The following NUFIP1 variants were observed in gnomAD, a reference collection of about 807,000 sequenced individuals.
The protein encoded by NUFIP1 is nuclear FMR1 interacting protein 1.
Under a neutral mutation model 56.2 loss-of-function variants are expected in NUFIP1, and 38 were observed. The ratio of observed to expected loss-of-function variants is 0.68; its 90% CI spans 0.52 to 0.89. NUFIP1 has a LOEUF of 0.89. Among genes scored for constraint, NUFIP1 ranks in the 40% least tolerant of loss-of-function variants. NUFIP1 has a pLI of 0.00. For missense variants in NUFIP1, 567 were observed against 605.8 expected, an observed-to-expected ratio of 0.94 and a Z score of 0.67; for synonymous variants, 215 against 212.4, an observed-to-expected ratio of 1.01 and a Z score of -0.10.
At chr13:44,948,177 C>T (rs1483214901) in intron 8 of NUFIP1, among the ~76,000 whole-genome samples, 2 of 141,020 alleles carry the variant, frequency 1.4e-5, no homozygotes, top group African/African-American at 5.4e-5. Context: ...CAGAGTCTCA[C>T]TGTCACCCGG....
chr13:44,968,275 T>G (rs1871679854), intron 5 of NUFIP1, among the ~76,000 whole-genome samples: 1 of 152,062 alleles, frequency 6.6e-6, no homozygotes, highest in African/African-American at 2.4e-5. Context: ...AAACATAATC[T>G]AAGGTTATAA....
chr13:44,965,861 C>T lies in NUFIP1; in HGVS notation c.810G>A (p.Leu270=). 6.3e-7 allele frequency: 1 copy of T among 1,597,046 alleles called. No homozygotes were observed. Among genetic ancestry groups the T allele is most frequent in the African/African-American group, 1.3e-5 (1 of 74,224 alleles). Residue 270 remains leucine (L), a synonymous_variant, in exon 6 of 10, where the codon TTG becomes TTA. Transcript: ENST00000379161. ...KLEKEKRGAV[L]TTTQYGKMKG... ...GAGCTTACCCATATTGTGTTGTTGT[C>T]AATACTGCTCCTCTCTTCTCCTTTT...
chr13:44,957,314 C>A (rs1278826609), intron 7 of NUFIP1, among the ~76,000 whole-genome samples: 1 of 152,186 alleles, frequency 6.6e-6, no homozygotes, highest in Non-Finnish European at 1.5e-5. Flanking sequence ...GGGGTTCAAG[C>A]AATTCTCCTG....
intron 1 of NUFIP1, among the ~76,000 whole-genome samples, chr13:44,987,872 T>C (rs901111423): frequency 2.0e-5 from 3 of 152,122 alleles, no homozygotes; most frequent in African/African-American, 7.2e-5. Flanking sequence ...AAAGTCAAAG[T>C]CCCACGATCT....
chr13:44,986,324 C>T (rs1259286437), intron 1 of NUFIP1, among the ~76,000 whole-genome samples: 2 of 152,072 alleles, frequency 1.3e-5, no homozygotes, highest in Admixed American at 1.3e-4. Flanking sequence ...CCCTCATAGA[C>T]GATTTTGAGG....
chr13:44,962,849 C>T (rs1871469298), intron 6 of NUFIP1, among the ~76,000 whole-genome samples: 1 of 152,128 alleles, frequency 6.6e-6, no homozygotes, highest in African/African-American at 2.4e-5. Context: ...AAATACTTAG[C>T]ATTGTGTTAC....
intron 5 of NUFIP1, among the ~76,000 whole-genome samples, chr13:44,973,402 A>G (rs1356869951): frequency 1.3e-5 from 2 of 152,234 alleles, no homozygotes; most frequent in African/African-American, 2.4e-5. Flanking sequence ...CAGCTCAAAC[A>G]TGATTTATAA....
intron 1 of NUFIP1, among the ~76,000 whole-genome samples, chr13:44,983,327 C>A (rs1872262951): frequency 6.6e-6 from 1 of 152,120 alleles, no homozygotes; most frequent in South Asian, 2.1e-4. Flanking sequence ...AGGCATGTGC[C>A]ACCATGCTCA....
Position 44,989,442 on chromosome 13 carries a change from T to G in NUFIP1, c.-6A>C, listed in dbSNP as rs375276456. The G allele has an allele frequency of 2.5e-6, 4 of 1,612,060 alleles. No homozygotes were observed. Among genetic ancestry groups the G allele is most frequent in the African/African-American group, 2.7e-5 (2 of 74,896 alleles). On this transcript the variant is annotated 5_prime_UTR_variant, in exon 1 of 10. Transcript: ENST00000379161. Reference sequence around the variant, plus strand: ...TCACTAGTCGGCTCAGCCATACCACTGGCGGGTCCGGAGTCTAGCACGCGA... The same window carrying G: ...TCACTAGTCGGCTCAGCCATACCACGGGCGGGTCCGGAGTCTAGCACGCGA...
At position 44,989,398 on chromosome 13, in the gene NUFIP1, C is replaced by T; in HGVS notation, c.39G>A (p.Gly13=). 1 of 1,613,712 alleles carries T rather than the reference C, an allele frequency of 6.2e-7. No homozygotes were observed. The highest frequency in any genetic ancestry group is 8.5e-7 in the Non-Finnish European group (1 of 1,179,904). ...EPTSDFETPI[G]WHASPELTPT... ...GAGTCAGCTCGGGAGACGCATGCCA[C>T]CCGATAGGAGTCTCGAAATCACTAG... The change falls in exon 1 of 10, where the codon GGG becomes GGA. Residue 13 remains glycine, a synonymous_variant. Transcript: ENST00000379161.
intron 3 of NUFIP1, 103 bp from the exon 4 acceptor site, chr13:44,980,055 T>C: frequency 2.5e-6 from 2 of 792,938 alleles, no homozygotes; most frequent in Non-Finnish European, 4.0e-6. Context: ...TATTACATAG[T>C]TATCCCATCT....
At chr13:44,987,035 G>A (rs975752667) in intron 1 of NUFIP1, among the ~76,000 whole-genome samples, 3 of 152,034 alleles carry the variant, frequency 2.0e-5, no homozygotes, top group Admixed American at 6.6e-5. Context: ...GCCCAGGCAG[G>A]TCTCAAACTC....
chr13:44,943,384 G>T, intron 9 of NUFIP1, 58 bp downstream of exon 9: 1 of 1,402,642 alleles, frequency 7.1e-7, no homozygotes, highest in Non-Finnish European at 1.0e-6. Context: ...ACACCCCAGT[G>T]GCTCTATCTT....
At chr13:44,945,150 GA>G (rs1331053525) in intron 8 of NUFIP1, among the ~76,000 whole-genome samples, 7 of 151,598 alleles carry the variant, frequency 4.6e-5, no homozygotes, top group Admixed American at 6.6e-5. Context: ...GAGAAAAAGA[GA>G]AAAAAATCAA....
chr13:44,976,265 C>G (rs1871971828), intron 5 of NUFIP1, among the ~76,000 whole-genome samples: 1 of 151,312 alleles, frequency 6.6e-6, no homozygotes, highest in African/African-American at 2.4e-5. Flanking sequence ...TTGATTACTG[C>G]TCTATGCAAA....
At chr13:44,965,982 A>G (rs766787879) in intron 5 of NUFIP1, 46 bp from the exon 6 acceptor site, 1 of 1,147,922 alleles carries the variant, frequency 8.7e-7, no homozygotes, top group Non-Finnish European at 1.2e-6. Context: ...TTAGAGTACA[A>G]TTTTAAATAA....
At position 44,989,081 on chromosome 13, in the gene NUFIP1, T is replaced by C. The variant is rs1018864275; in HGVS notation, c.356A>G (p.Tyr119Cys). 8 of 1,614,002 alleles carry C rather than the reference T, an allele frequency of 5.0e-6. No homozygotes were observed. In the African/African-American group the frequency reaches 8.0e-5, roughly 16 times the overall value. The stretch of plus-strand genomic sequence containing the variant: ...AAACCTATCAGAAGACTGTCTCCAA[T>C]ACCACGATGTGGAAGCATGGAAATT... ...PWNFHASTSW[Y>C]WRQSSDRFPR... Residue 119 changes from tyrosine to cysteine, a missense_variant, in exon 1 of 10, where the codon TAT becomes TGT. Physicochemically the swap from Tyr to Cys is radical, Grantham distance 194. Coordinates refer to ENST00000379161, the MANE Select transcript of NUFIP1 (RefSeq NM_012345.3).
chr13:44,964,902 T>C (rs1871546957), intron 6 of NUFIP1, among the ~76,000 whole-genome samples: 1 of 152,198 alleles, frequency 6.6e-6, no homozygotes, highest in African/African-American at 2.4e-5. Context: ...AACAAAATCT[T>C]AAAAGCAAGA....
intron 7 of NUFIP1, among the ~76,000 whole-genome samples, chr13:44,952,639 C>G (rs985410345): frequency 3.3e-5 from 5 of 152,118 alleles, no homozygotes; most frequent in African/African-American, 1.2e-4. Context: ...TACAGAGTCT[C>G]CATATATCCT....
Sources: allele counts gnomAD v4.1 joint callset (sites outside exome capture counted in the v4.1 genomes callset), GRCh38; gene constraint gnomAD v4.1.1; transcripts MANE v1.5; gene names NCBI Gene and HGNC (gene_info 2026-07-23, HGNC 2026-07-21).